Variants in SPEF2 observed in about 807,000 individuals in gnomAD.
SPEF2 encodes sperm flagella and cilia-associated protein 2.
SPEF2 carries 187 observed loss-of-function variants against 224.6 expected under a neutral mutation model. The ratio of observed to expected loss-of-function variants is 0.83; its 90% confidence interval spans 0.74 to 0.94. SPEF2 has a LOEUF of 0.94. Ranked by LOEUF, SPEF2 falls within the 40% of genes least tolerant of loss-of-function variation. The pLI, the probability that SPEF2 is intolerant of heterozygous loss-of-function variation, is 0.00. For missense variants in SPEF2, 2,170 were observed against 2,135.6 expected, an observed-to-expected ratio of 1.02 and a Z score of -0.32; for synonymous variants, 715 against 707.3, an observed-to-expected ratio of 1.01 and a Z score of -0.17.
chr5:35,725,986 C>T (rs1744584663), intron 20 of SPEF2, among the ~76,000 whole-genome samples: 2 of 152,240 alleles, frequency 1.3e-5, no homozygotes, highest in South Asian at 4.1e-4. Context: ...TGAAAGCAAA[C>T]ATCTTATTAG....
At chr5:35,654,876 T>C in intron 7 of SPEF2, 150 bp downstream of exon 7, 1 of 602,700 alleles carries the variant, frequency 1.7e-6, no homozygotes. Context: ...GCAAATATAC[T>C]AGGAAGAAAA....
chr5:35,697,665 T>G, intron 14 of SPEF2, 25 bp from the exon 15 acceptor site: 1 of 1,573,462 alleles, frequency 6.4e-7, no homozygotes, highest in East Asian at 2.2e-5. Flanking sequence ...AGCCATCTTC[T>G]GTCATTTCTT....
chr5:35,654,434 G>A, intron 6 of SPEF2, 106 bp from the exon 7 acceptor site: 1 of 846,438 alleles, frequency 1.2e-6, no homozygotes, highest in Non-Finnish European at 1.7e-6. Context: ...TAAATTAACA[G>A]TGAACTCAAG....
At chr5:35,749,777 C>T (rs1749117387) in intron 23 of SPEF2, among the ~76,000 whole-genome samples, 1 of 152,066 alleles carries the variant, frequency 6.6e-6, no homozygotes, top group African/African-American at 2.4e-5. Flanking sequence ...GATCATACTG[C>T]CCAAAGCAAT....
At chr5:35,732,042 G>A (rs1170868504) in intron 21 of SPEF2, among the ~76,000 whole-genome samples, 1 of 152,120 alleles carries the variant, frequency 6.6e-6, no homozygotes, top group Non-Finnish European at 1.5e-5. Flanking sequence ...TGTAATTTAA[G>A]AGCAAATTAT....
intron 7 of SPEF2, among the ~76,000 whole-genome samples, chr5:35,657,467 G>A (rs541936161): frequency 1.3e-5 from 2 of 152,160 alleles, no homozygotes; most frequent in East Asian, 1.9e-4. Flanking sequence ...TAGGGGTGGT[G>A]TCACTGGGTA....
At chr5:35,776,542 A>G in intron 29 of SPEF2, 147 bp downstream of exon 29, 1 of 744,688 alleles carries the variant, frequency 1.3e-6, no homozygotes, top group Non-Finnish European at 2.1e-6. Context: ...AACAGATAAT[A>G]TGAGCTTTAC....
At chr5:35,722,733 G>A (rs1054116533) in intron 20 of SPEF2, among the ~76,000 whole-genome samples, 1 of 143,554 alleles carries the variant, frequency 7.0e-6, no homozygotes, top group Non-Finnish European at 1.5e-5. Context: ...AGAATATGCG[G>A]TGTTTGGTTT....
At chr5:35,637,675 T>C (rs138267318) in intron 2 of SPEF2, among the ~76,000 whole-genome samples, 7 of 152,174 alleles carry the variant, frequency 4.6e-5, no homozygotes, top group Non-Finnish European at 1.0e-4. Flanking sequence ...CAGGGTAACA[T>C]CCTAACCCAT....
In SPEF2 at chr5:35,709,709, C is replaced by T. The variant is rs1009435623; in HGVS notation, c.2839+588C>T. On this transcript the variant is annotated intron_variant, in intron 19 of 36. Coordinates refer to ENST00000356031, the MANE Select transcript of SPEF2 (RefSeq NM_024867.4). ...CTTTTAGTTTAAGTTTGTTCTAGAT[C>T]CTTAACCGCTATGGACCATAAGTCT... is the stretch of plus-strand genomic sequence containing the variant. 9.1e-6 allele frequency: 9 copies of T among 985,208 alleles called. No individual in the cohort carries two copies. In the African/African-American group the frequency reaches 1.4e-4, roughly 15 times the overall value. 61.0% of individuals were successfully genotyped at this position (985,208 alleles called of 1,614,324 possible).
intron 16 of SPEF2, among the ~76,000 whole-genome samples, chr5:35,701,541 C>T (rs531174672): frequency 1.2e-4 from 18 of 152,270 alleles, no homozygotes; most frequent in Admixed American, 2.6e-4. Flanking sequence ...ATTGCCTTCA[C>T]ATCATTTTAC....
chr5:35,796,609 C>CAA lies in SPEF2; in HGVS notation c.4830+827_4830+828dup, dbSNP rs11411191. On this transcript the variant is annotated intron_variant, in intron 33 of 36. Transcript: ENST00000356031. ...CCTGGGCGAAAGAGCGAGACTGTCTCAAAAAAAAAAAAAATCTCAACGCTA... is the reference window on the plus strand; with the variant it reads ...CCTGGGCGAAAGAGCGAGACTGTCTCAAAAAAAAAAAAAAAATCTCAACGCTA... 1.8e-3 allele frequency among the ~76,000 whole-genome samples: 265 copies of CAA among 144,088 alleles called. 1 individual carries two copies. Among genetic ancestry groups the CAA allele is most frequent in the Middle Eastern group, 7.1e-3 (2 of 280 alleles). The allele number at this position is 144,088 out of a possible 152,430, so 94.5% of individuals were successfully genotyped here.
chr5:35,755,153 A>C (rs2149733113), intron 24 of SPEF2, among the ~76,000 whole-genome samples: 1 of 152,340 alleles, frequency 6.6e-6, no homozygotes, highest in Middle Eastern at 3.4e-3. Context: ...TGGAGTTAGA[A>C]AGATGTCATC....
intron 1 of SPEF2, among the ~76,000 whole-genome samples, chr5:35,620,440 G>T (rs981672843): frequency 2.6e-5 from 4 of 152,084 alleles, no homozygotes; most frequent in Non-Finnish European, 5.9e-5. Context: ...TACCTCATCT[G>T]GTTGTATCAA....
intron 18 of SPEF2, 66 bp downstream of exon 18, chr5:35,705,874 T>A (rs1739652251): frequency 2.8e-6 from 3 of 1,065,012 alleles, no homozygotes; most frequent in Admixed American, 6.1e-5. Flanking sequence ...ATGAGTTTGG[T>A]AGGAAATGAA....
chr5:35,670,344 C>T, intron 10 of SPEF2, 117 bp downstream of exon 10: 3 of 1,433,494 alleles, frequency 2.1e-6, no homozygotes, highest in Non-Finnish European at 2.7e-6. Context: ...GTTTTGTTTG[C>T]ATTTTCCCTT....
chr5:35,644,929 C>G (rs1439196488), intron 4 of SPEF2, among the ~76,000 whole-genome samples: 1 of 152,196 alleles, frequency 6.6e-6, no homozygotes, highest in Non-Finnish European at 1.5e-5. Context: ...TCTTTTGCAA[C>G]CTTCGGTCCT....
At position 35,641,353 on chromosome 5, in the gene SPEF2, TG is replaced by T; in HGVS notation, c.162-77del. The T allele has an allele frequency of 2.8e-6, 4 of 1,442,970 alleles. No individual in the cohort carries two copies. The South Asian group carries it at 5.3e-5, about 19-fold the overall frequency. 89.4% of individuals were successfully genotyped at this position (1,442,970 alleles called of 1,614,324 possible). On this transcript the variant is annotated intron_variant, in intron 2 of 36. Transcript: ENST00000356031. ...TGAAATAATTCAAAATATTGGATAATGATAATATGTCTGATATTTGTTGTTT... is the reference window on the plus strand; with the variant it reads ...TGAAATAATTCAAAATATTGGATAATATAATATGTCTGATATTTGTTGTTT...
chr5:35,697,913 TGAAA>T, intron 15 of SPEF2, 120 bp downstream of exon 15: 13 of 658,476 alleles, frequency 2.0e-5, no homozygotes, highest in Non-Finnish European at 3.0e-5. Flanking sequence ...CATCTGTATA[TGAAA>T]ATATACAGCA....
Sources: gnomAD v4.1 joint callset for allele counts (sites outside exome capture counted in the v4.1 genomes callset) on GRCh38, gnomAD v4.1.1 for gene constraint, MANE v1.5 for transcripts, NCBI Gene and HGNC (gene_info 2026-07-23, HGNC 2026-07-21) for gene names.